Variants in LRP1B observed in about 807,000 individuals in gnomAD.
LRP1B encodes the protein low-density lipoprotein receptor-related protein 1B.
A neutral mutation model predicts 556.6 loss-of-function variants in LRP1B; 217 were observed. The ratio of observed to expected loss-of-function variants is 0.39; its 90% CI spans 0.35 to 0.44. The LOEUF is 0.44. LRP1B is among the 20% of genes least tolerant of loss of function. LRP1B has a pLI of 1.00. For synonymous variants in LRP1B, 2,047 were observed against 1,865.8 expected (o/e 1.10, Z -2.50); for missense variants, 5,053 against 5,620.8 (o/e 0.90, Z 3.23).
intron 63 of LRP1B, among the ~76,000 whole-genome samples, chr2:140,446,344 T>A (rs1258634282): frequency 2.0e-5 from 3 of 152,158 alleles, no homozygotes; most frequent in Non-Finnish European, 2.9e-5. Context: ...TAGAGTATTA[T>A]AAGAAACATT....
chr2:141,008,225 C>T (rs1697636680), intron 14 of LRP1B, among the ~76,000 whole-genome samples: 1 of 151,172 alleles, frequency 6.6e-6, no homozygotes, highest in African/African-American at 2.4e-5. Flanking sequence ...TTAATGAAAA[C>T]TTATAAGCAA....
chr2:141,066,547 A>T (rs985246340), intron 7 of LRP1B, among the ~76,000 whole-genome samples: 1 of 151,954 alleles, frequency 6.6e-6, no homozygotes, highest in Non-Finnish European at 1.5e-5. Flanking sequence ...TGATAAAAAT[A>T]AGAATTGCTT....
At chr2:140,666,085 C>T (rs1399050207) in intron 41 of LRP1B, among the ~76,000 whole-genome samples, 1 of 151,738 alleles carries the variant, frequency 6.6e-6, no homozygotes, top group Non-Finnish European at 1.5e-5. Flanking sequence ...CCTCTGCCCT[C>T]CAAGTTCAAG....
At chr2:142,085,544 A>G (rs1227411581) in intron 1 of LRP1B, among the ~76,000 whole-genome samples, 3 of 152,168 alleles carry the variant, frequency 2.0e-5, no homozygotes, top group Admixed American at 6.5e-5. Flanking sequence ...CAAATTGAGT[A>G]TATTCCATTT....
intron 3 of LRP1B, among the ~76,000 whole-genome samples, chr2:141,369,979 T>C (rs562614698): frequency 2.0e-5 from 3 of 152,322 alleles, no homozygotes; most frequent in African/African-American, 7.2e-5. Context: ...GTTTCATTCT[T>C]TTTTTATGCC....
intron 1 of LRP1B, among the ~76,000 whole-genome samples, chr2:141,873,908 C>T (rs1698671744): frequency 6.6e-6 from 1 of 151,688 alleles, no homozygotes. Context: ...AGTGAATTTT[C>T]ACGACTAGAA....
intron 4 of LRP1B, among the ~76,000 whole-genome samples, chr2:141,250,002 C>T (rs2105332364): frequency 6.6e-6 from 1 of 152,076 alleles, no homozygotes; most frequent in Non-Finnish European, 1.5e-5. Context: ...GTAAATAATT[C>T]TGGAGAAAGG....
chr2:141,838,064 C>T lies in LRP1B; in HGVS notation c.83-27663G>A, dbSNP rs572888745. On this transcript the variant is annotated intron_variant, in intron 1 of 90. Transcript: ENST00000389484. The stretch of plus-strand genomic sequence containing the variant: ...CAAAACACAGAGTAGCTTGTTAACC[C>T]ACAATCTCTTATCTCATATTTATTC... Among the ~76,000 whole-genome samples the T allele has an allele frequency of 1.5e-3, 235 of 152,166 alleles. 1 individual carries two copies. The highest frequency in any genetic ancestry group is 6.8e-3 in the Middle Eastern group (2 of 294).
intron 1 of LRP1B, among the ~76,000 whole-genome samples, chr2:141,884,408 A>G (rs2104900127): frequency 6.6e-6 from 1 of 152,232 alleles, no homozygotes; most frequent in African/African-American, 2.4e-5. Context: ...AATGATATCA[A>G]GGTAATTTTT....
At chr2:141,752,650 T>C (rs1424893635) in intron 2 of LRP1B, among the ~76,000 whole-genome samples, 2 of 150,672 alleles carry the variant, frequency 1.3e-5, no homozygotes, top group African/African-American at 4.9e-5. Flanking sequence ...AAATCTTGGG[T>C]GGTGTGTGTG....
At chr2:141,338,853 C>T (rs2105510980) in intron 3 of LRP1B, among the ~76,000 whole-genome samples, 1 of 152,256 alleles carries the variant, frequency 6.6e-6, no homozygotes, top group Non-Finnish European at 1.5e-5. Flanking sequence ...TAGCAGGTAA[C>T]ATTAAAGCTT....
chr2:141,313,864 CTCT>C (rs1252420969), intron 3 of LRP1B, among the ~76,000 whole-genome samples: 1 of 146,552 alleles, frequency 6.8e-6, no homozygotes, highest in African/African-American at 2.6e-5. Flanking sequence ...ACAGATTTCA[CTCT>C]TTTTTTTTTT....
intron 86 of LRP1B, among the ~76,000 whole-genome samples, chr2:140,269,698 T>A (rs1005316802): frequency 3.3e-5 from 5 of 151,886 alleles, no homozygotes; most frequent in African/African-American, 1.2e-4. Flanking sequence ...AAATACTAAA[T>A]TCCAGATTTT....
intron 2 of LRP1B, among the ~76,000 whole-genome samples, chr2:141,727,826 CACACACATATATATAT>C (rs1301784418): frequency 6.6e-6 from 1 of 151,786 alleles, no homozygotes; most frequent in Non-Finnish European, 1.5e-5. Context: ...TATATATATA[CACACACATATATATAT>C]CTCACAGAGT....
chr2:142,121,295 T>G (rs1707449751), intron 1 of LRP1B, among the ~76,000 whole-genome samples: 1 of 152,140 alleles, frequency 6.6e-6, no homozygotes, highest in Non-Finnish European at 1.5e-5. Context: ...CTTTAAAAAG[T>G]AAGTTGCATC....
At chr2:141,485,559 C>A (rs904534428) in intron 2 of LRP1B, among the ~76,000 whole-genome samples, 4 of 152,198 alleles carry the variant, frequency 2.6e-5, no homozygotes, top group African/African-American at 7.2e-5. Flanking sequence ...CTGCCTCAGA[C>A]AAAATTCTCT....
chr2:140,933,312 G>A (rs1468087687), intron 20 of LRP1B, among the ~76,000 whole-genome samples: 2 of 152,048 alleles, frequency 1.3e-5, no homozygotes, highest in East Asian at 1.9e-4. Context: ...AGAAAAGGCA[G>A]CACTTTATCC....
rs141399592 is a variant in LRP1B, at chr2:141,977,202, TTCTA to T, written c.82+153442_82+153445del. Among the ~76,000 whole-genome samples the T allele has an allele frequency of 3.9e-3, 598 of 152,198 alleles. 8 individuals carry two copies. The highest frequency in any genetic ancestry group is 0.014 in the African/African-American group (575 of 41,550). ...AGCATTTGAAAATTTTAAATCCTAT[TTCTA>T]TCTTATTATCCAGTAAGCTTTGATA... is the stretch of plus-strand genomic sequence containing the variant. On this transcript the variant is annotated intron_variant, in intron 1 of 90. Coordinates refer to ENST00000389484, the MANE Select transcript of LRP1B (RefSeq NM_018557.3).
intron 90 of LRP1B, among the ~76,000 whole-genome samples, chr2:140,234,342 G>T (rs185297258): frequency 6.6e-6 from 1 of 151,166 alleles, no homozygotes; most frequent in East Asian, 2.0e-4. Flanking sequence ...TTTTGAGAGT[G>T]GTTTTGTTAG....
Sources: gnomAD v4.1 joint callset for allele counts (sites outside exome capture counted in the v4.1 genomes callset) on GRCh38, gnomAD v4.1.1 for gene constraint, MANE v1.5 for transcripts, NCBI Gene and HGNC (gene_info 2026-07-23, HGNC 2026-07-21) for gene names.